The following FAT3 variants were observed in gnomAD, a reference collection of about 807,000 sequenced individuals.
FAT3 encodes the protein protocadherin Fat 3.
A neutral mutation model predicts 310.2 loss-of-function variants in FAT3; 95 were observed. That is an observed-to-expected ratio of 0.31 (90% CI 0.26 to 0.36). FAT3 has a LOEUF of 0.36. Ranked by LOEUF, FAT3 falls within the 10% of genes least tolerant of loss-of-function variation. The pLI, the probability that FAT3 is intolerant of heterozygous loss-of-function variation, is 1.00. For synonymous variants in FAT3, 2,314 were observed against 2,192.9 expected, an observed-to-expected ratio of 1.06 and a Z score of -1.54; for missense variants, 5,408 against 5,715.6, an observed-to-expected ratio of 0.95 and a Z score of 1.74.
intron 2 of FAT3, among the ~76,000 whole-genome samples, chr11:92,512,395 A>G (rs1044109040): frequency 6.6e-6 from 1 of 151,418 alleles, no homozygotes; most frequent in African/African-American, 2.4e-5. Flanking sequence ...GGAGAACAGA[A>G]CTGGAACAAA....
At chr11:92,488,761 C>T (rs1374289966) in intron 2 of FAT3, among the ~76,000 whole-genome samples, 3 of 152,088 alleles carry the variant, frequency 2.0e-5, no homozygotes, top group Non-Finnish European at 4.4e-5. Context: ...TCTCCCACCT[C>T]AGCCTGGATG....
intron 2 of FAT3, among the ~76,000 whole-genome samples, chr11:92,428,756 A>G (rs567449709): frequency 6.6e-6 from 1 of 151,850 alleles, no homozygotes; most frequent in South Asian, 2.1e-4. Flanking sequence ...GACTGTTATG[A>G]TTTCTGTTCT....
intron 1 of FAT3, among the ~76,000 whole-genome samples, chr11:92,264,171 A>G (rs1308181584): frequency 6.6e-6 from 1 of 152,124 alleles, no homozygotes; most frequent in Non-Finnish European, 1.5e-5. Context: ...AATGATATAA[A>G]TGATAAATAA....
chr11:92,795,448 G>A (rs889201440), intron 9 of FAT3, among the ~76,000 whole-genome samples: 2 of 151,964 alleles, frequency 1.3e-5, no homozygotes, highest in African/African-American at 4.8e-5. Flanking sequence ...AATTTTTCAG[G>A]ATTCAAGTGT....
intron 6 of FAT3, among the ~76,000 whole-genome samples, chr11:92,771,450 T>C (rs1390346201): frequency 6.6e-6 from 1 of 152,138 alleles, no homozygotes; most frequent in Non-Finnish European, 1.5e-5. Flanking sequence ...GGGTTGATGG[T>C]AAACTGCTGG....
intron 1 of FAT3, among the ~76,000 whole-genome samples, chr11:92,316,602 C>T (rs1303438867): frequency 6.6e-6 from 1 of 152,040 alleles, no homozygotes; most frequent in African/African-American, 2.4e-5. Flanking sequence ...TATCTATTTT[C>T]TAATATGTCA....
chr11:92,633,651 C>T (rs1247166513), intron 3 of FAT3, among the ~76,000 whole-genome samples: 5 of 152,046 alleles, frequency 3.3e-5, no homozygotes, highest in Non-Finnish European at 7.4e-5. Context: ...ATCAACAAAC[C>T]GTGTCTACCA....
At chr11:92,447,114 A>C (rs1193008501) in intron 2 of FAT3, among the ~76,000 whole-genome samples, 1 of 151,820 alleles carries the variant, frequency 6.6e-6, no homozygotes, top group Admixed American at 6.6e-5. Context: ...GTTATTAAAT[A>C]TCCTCTAAGT....
chr11:92,860,946 C>T (rs1478486748), intron 21 of FAT3, among the ~76,000 whole-genome samples: 2 of 152,096 alleles, frequency 1.3e-5, no homozygotes, highest in Non-Finnish European at 2.9e-5. Flanking sequence ...ATTTAAGATC[C>T]AGAAAGGAAA....
intron 3 of FAT3, among the ~76,000 whole-genome samples, chr11:92,576,578 T>G (rs1353094041): frequency 2.6e-5 from 4 of 152,104 alleles, no homozygotes; most frequent in Non-Finnish European, 5.9e-5. Context: ...ATGCTAACAA[T>G]TACTGATTTG....
At chr11:92,445,639 G>T (rs144139488) in intron 2 of FAT3, among the ~76,000 whole-genome samples, 3 of 152,016 alleles carry the variant, frequency 2.0e-5, no homozygotes, top group Admixed American at 1.3e-4. Context: ...GTTAAGAAAG[G>T]CCTAATATTT....
At chr11:92,242,177 G>A (rs1383236583) in intron 1 of FAT3, among the ~76,000 whole-genome samples, 1 of 152,012 alleles carries the variant, frequency 6.6e-6, no homozygotes, top group East Asian at 1.9e-4. Context: ...CAAGGATTAA[G>A]AACACAATCC....
chr11:92,448,694 C>G (rs1951279375), intron 2 of FAT3, among the ~76,000 whole-genome samples: 1 of 152,166 alleles, frequency 6.6e-6, no homozygotes, highest in Non-Finnish European at 1.5e-5. Context: ...CCACAGCCTT[C>G]ATTAATTTAT....
intron 4 of FAT3, among the ~76,000 whole-genome samples, chr11:92,746,183 G>T (rs1945661877): frequency 6.6e-6 from 1 of 152,212 alleles, no homozygotes; most frequent in Admixed American, 6.5e-5. Context: ...TTCTCATGCT[G>T]CTAATAAAGG....
intron 4 of FAT3, among the ~76,000 whole-genome samples, chr11:92,718,472 T>C (rs1944757114): frequency 6.6e-6 from 1 of 152,104 alleles, no homozygotes; most frequent in Admixed American, 6.6e-5. Context: ...GGTTTCTTAA[T>C]GTGCCCACAT....
At chr11:92,738,245 A>G (rs1299692206) in intron 4 of FAT3, among the ~76,000 whole-genome samples, 1 of 152,176 alleles carries the variant, frequency 6.6e-6, no homozygotes, top group Non-Finnish European at 1.5e-5. Flanking sequence ...AGAGAACTCA[A>G]TAATATAGAT....
At chr11:92,362,997 A>G (rs1009541608) in intron 2 of FAT3, among the ~76,000 whole-genome samples, 1 of 152,208 alleles carries the variant, frequency 6.6e-6, no homozygotes, top group Non-Finnish European at 1.5e-5. Context: ...CCATAAAAGA[A>G]CAACTTTTGT....
chr11:92,491,180 G>A (rs1952587856), intron 2 of FAT3, among the ~76,000 whole-genome samples: 1 of 152,024 alleles, frequency 6.6e-6, no homozygotes, highest in Non-Finnish European at 1.5e-5. Flanking sequence ...TGTAACCACA[G>A]CAAAGATTTA....
At chr11:92,728,947 C>A (rs1411919323) in intron 4 of FAT3, among the ~76,000 whole-genome samples, 1 of 152,148 alleles carries the variant, frequency 6.6e-6, no homozygotes, top group Non-Finnish European at 1.5e-5. Flanking sequence ...TTTGCAAAGA[C>A]CCCTTTTTCA....
Sources: gnomAD v4.1 joint callset for allele counts (sites outside exome capture counted in the v4.1 genomes callset) on GRCh38, gnomAD v4.1.1 for gene constraint, MANE v1.5 for transcripts, NCBI Gene and HGNC (gene_info 2026-07-23, HGNC 2026-07-21) for gene names.